The following TP63 variants were observed in gnomAD, a reference collection of about 807,000 sequenced individuals.
TP63 encodes tumor protein 63.
Under a neutral mutation model 82.8 loss-of-function variants are expected in TP63, and 17 were observed. The ratio of observed to expected loss-of-function variants is 0.21; its 90% CI spans 0.14 to 0.31. TP63 has a LOEUF of 0.31. TP63 is among the 10% of genes least tolerant of loss of function. The pLI is 1.00. For missense variants in TP63, 648 were observed against 895.3 expected (o/e 0.72, Z 3.52); for synonymous variants, 330 against 321.7 (o/e 1.03, Z -0.28).
intron 4 of TP63, among the ~76,000 whole-genome samples, chr3:189,825,637 A>C (rs1214006011): frequency 1.3e-5 from 2 of 152,228 alleles, no homozygotes; most frequent in East Asian, 3.8e-4. Flanking sequence ...ATTAAACAAC[A>C]TGATTTTTAA....
intron 4 of TP63, among the ~76,000 whole-genome samples, chr3:189,841,374 G>C (rs1046416403): frequency 6.6e-6 from 1 of 152,198 alleles, no homozygotes; most frequent in African/African-American, 2.4e-5. Flanking sequence ...GGACTATACA[G>C]ATGGGTGAGT....
the TP63 span, among the ~76,000 whole-genome samples, chr3:189,600,715 A>G: frequency 6.6e-6 from 1 of 152,362 alleles, no homozygotes; most frequent in East Asian, 1.9e-4. Flanking sequence ...CTACCAGGCC[A>G]GTACTCTATT....
rs755317680 is a variant in TP63 at position 189,868,748 on chromosome 3, G to T, written c.1129+32G>T. 3 of 1,613,640 alleles carry T rather than the reference G, an allele frequency of 1.9e-6. No homozygotes were observed. In the Admixed American group the frequency reaches 5.0e-5, roughly 27 times the overall value. ...AGATGTAGTGGCCAAATGGGGTAGG[G>T]TTGAATCTTCTCCAGATGTTGGAGA... On this transcript the variant is annotated intron_variant, in intron 8 of 13. Coordinates refer to ENST00000264731, the MANE Select transcript of TP63 (RefSeq NM_003722.5).
chr3:189,734,132 CTCCCTCCCTCCCTCCG>C (rs1383145584), intron 1 of TP63, among the ~76,000 whole-genome samples: 16 of 123,320 alleles, frequency 1.3e-4, no homozygotes, highest in South Asian at 2.8e-4. Flanking sequence ...CTCTCTTTCC[CTCCCTCCCTCCCTCCG>C]TCCCTCCCTC....
the TP63 span, among the ~76,000 whole-genome samples, chr3:189,601,842 C>T: frequency 3.3e-5 from 5 of 152,182 alleles, no homozygotes; most frequent in Non-Finnish European, 7.4e-5. Flanking sequence ...ACACTACCAA[C>T]GTAGCCAACT....
chr3:189,662,290 A>G (rs1713954055), intron 1 of TP63, among the ~76,000 whole-genome samples: 4 of 152,046 alleles, frequency 2.6e-5, no homozygotes. Flanking sequence ...TTTCAAAAAA[A>G]CTTTTGACTT....
At chr3:189,827,557 G>A (rs1055689515) in intron 4 of TP63, among the ~76,000 whole-genome samples, 4 of 152,186 alleles carry the variant, frequency 2.6e-5, no homozygotes, top group African/African-American at 9.7e-5. Flanking sequence ...TTAAAGTTGG[G>A]CCTTCAAGGA....
chr3:189,864,529 A>G, intron 5 of TP63, 111 bp downstream of exon 5: 1 of 659,966 alleles, frequency 1.5e-6, no homozygotes, highest in Non-Finnish European at 2.3e-6. Context: ...CTCCGATGGC[A>G]GATCAGTCTG....
At chr3:189,625,440 A>C in the TP63 span, among the ~76,000 whole-genome samples, 2 of 136,124 alleles carry the variant, frequency 1.5e-5, no homozygotes, top group Non-Finnish European at 3.3e-5. Flanking sequence ...AACTGTTCCT[A>C]ATTAAAAGAT....
chr3:189,680,282 G>T (rs929684822), intron 1 of TP63, among the ~76,000 whole-genome samples: 5 of 151,700 alleles, frequency 3.3e-5, no homozygotes, highest in Non-Finnish European at 7.4e-5. Context: ...TCAATATTTT[G>T]TAGTTTTAAG....
intron 4 of TP63, among the ~76,000 whole-genome samples, chr3:189,840,600 C>T (rs1394293847): frequency 6.6e-6 from 1 of 151,230 alleles, no homozygotes; most frequent in African/African-American, 2.4e-5. Context: ...GTGGCTCACG[C>T]CTATAATTCC....
the TP63 span, among the ~76,000 whole-genome samples, chr3:189,597,727 C>G: frequency 6.6e-6 from 1 of 152,046 alleles, no homozygotes; most frequent in African/African-American, 2.4e-5. Context: ...GAGTTCAAGA[C>G]CAGCCTAGGC....
At chr3:189,821,343 T>A (rs1728774340) in intron 4 of TP63, among the ~76,000 whole-genome samples, 1 of 152,260 alleles carries the variant, frequency 6.6e-6, no homozygotes, top group Non-Finnish European at 1.5e-5. Context: ...CGCTTAGATT[T>A]GATTCCTGCA....
rs924198230 is a variant in TP63, at chr3:189,645,913, G to C, written c.62+14336G>C. ...ACTATGTTGGTTGATGGGCACATAA[G>C]CTGATTCCATATTTTTGCATTTGTG... is the stretch of plus-strand genomic sequence containing the variant. On this transcript the variant is annotated intron_variant, in intron 1 of 13. Coordinates refer to ENST00000264731, the MANE Select transcript of TP63 (RefSeq NM_003722.5). Among the ~76,000 whole-genome samples, 13 of 147,230 alleles carry C rather than the reference G, an allele frequency of 8.8e-5. 1 individual carries two copies. Among genetic ancestry groups the C allele is most frequent in the Non-Finnish European group, 1.3e-4 (9 of 67,362 alleles).
intron 10 of TP63, chr3:189,880,551 T>G (rs972131549): frequency 9.1e-6 from 9 of 989,108 alleles, no homozygotes; most frequent in Non-Finnish European, 1.1e-5. Flanking sequence ...TTTCTAAAAT[T>G]CACAGGGAAG....
intron 10 of TP63, among the ~76,000 whole-genome samples, chr3:189,878,905 G>C (rs1372345036): frequency 1.5e-5 from 2 of 135,790 alleles, no homozygotes; most frequent in African/African-American, 5.6e-5. Context: ...TGGGATTACA[G>C]GTGTGAGCCA....
intron 6 of TP63, among the ~76,000 whole-genome samples, chr3:189,867,240 G>A (rs1717840600): frequency 6.6e-6 from 1 of 152,160 alleles, no homozygotes; most frequent in Admixed American, 6.5e-5. Flanking sequence ...AGAGTAGTGT[G>A]GTTGAAAGTA....
chr3:189,717,099 C>T (rs1455679698), intron 1 of TP63, among the ~76,000 whole-genome samples: 1 of 152,066 alleles, frequency 6.6e-6, no homozygotes, highest in Non-Finnish European at 1.5e-5. Flanking sequence ...CACCCAGCCT[C>T]TTAGTAACTT....
chr3:189,716,247 A>G (rs1344749095), intron 1 of TP63, among the ~76,000 whole-genome samples: 6 of 152,172 alleles, frequency 3.9e-5, no homozygotes, highest in Admixed American at 1.3e-4. Flanking sequence ...CCTTTTATGT[A>G]TAATGTCCAA....
Sources: gnomAD v4.1 joint callset for allele counts (sites outside exome capture counted in the v4.1 genomes callset) on GRCh38, gnomAD v4.1.1 for gene constraint, MANE v1.5 for transcripts, NCBI Gene and HGNC (gene_info 2026-07-23, HGNC 2026-07-21) for gene names.